GTF2I: variants seen among roughly 807,000 people sequenced by gnomAD.
GTF2I encodes general transcription factor II-I.
A neutral mutation model predicts 67.6 loss-of-function variants in GTF2I; 12 were observed. That is an observed-to-expected ratio of 0.18 (90% confidence interval 0.11 to 0.29). The LOEUF (loss-of-function observed/expected upper bound fraction) is 0.29, where lower values mean the gene tolerates loss of function less well. Ranked by LOEUF, GTF2I falls within the 10% of genes least tolerant of loss-of-function variation. The pLI, the probability that GTF2I is intolerant of heterozygous loss-of-function variation, is 1.00. For synonymous variants in GTF2I, 149 were observed against 197.0 expected (o/e 0.76, Z 2.04); for missense variants, 271 against 580.1 (o/e 0.47, Z 5.47).
Position 74,696,875 on chromosome 7 carries a change from A to G in GTF2I, c.239-2086A>G, listed in dbSNP as rs186693939. On this transcript the variant is annotated intron_variant, in intron 3 of 34. Transcript: ENST00000573035. ...ATAATGGTCTTCTGGAAGGTAATCA[A>G]TAGGTTTATGAGGCAATCATAGAAA... Among the ~76,000 whole-genome samples the G allele has an allele frequency of 1.4e-3, 211 of 152,214 alleles. 1 individual carries two copies. Among genetic ancestry groups the G allele is most frequent in the African/African-American group, 4.9e-3 (202 of 41,536 alleles).
intron 1 of GTF2I, among the ~76,000 whole-genome samples, chr7:74,685,176 A>G (rs1787598843): frequency 6.6e-6 from 1 of 152,226 alleles, no homozygotes. Flanking sequence ...CCAATCAGAG[A>G]CTAAAGTGAA....
intron 3 of GTF2I, among the ~76,000 whole-genome samples, chr7:74,698,207 G>A (rs1233956122): frequency 2.0e-5 from 3 of 151,664 alleles, no homozygotes; most frequent in African/African-American, 4.8e-5. Flanking sequence ...CACCCGCCTC[G>A]GCCTCCCAAA....
At chr7:74,703,745 A>G (rs1453299868) in intron 6 of GTF2I, among the ~76,000 whole-genome samples, 1 of 152,142 alleles carries the variant, frequency 6.6e-6, no homozygotes, top group Non-Finnish European at 1.5e-5. Flanking sequence ...TGAAGATATG[A>G]CTTCTGTGTT....
intron 8 of GTF2I, among the ~76,000 whole-genome samples, chr7:74,708,006 G>A (rs1421021881): frequency 1.3e-5 from 2 of 151,918 alleles, no homozygotes; most frequent in Non-Finnish European, 1.5e-5. Context: ...AAAATTTAAT[G>A]TAAAGATTGT....
chr7:74,691,389 A>G (rs782397309), intron 3 of GTF2I, among the ~76,000 whole-genome samples: 1 of 152,068 alleles, frequency 6.6e-6, no homozygotes, highest in Non-Finnish European at 1.5e-5. Context: ...TATTTTTAGT[A>G]GAGACGGGGT....
chr7:74,698,763 A>G (rs1427840420), intron 3 of GTF2I, among the ~76,000 whole-genome samples, 198 bp from the exon 4 acceptor site: 6 of 152,174 alleles, frequency 3.9e-5, no homozygotes, highest in Non-Finnish European at 8.8e-5. Flanking sequence ...TTGTTACAAA[A>G]TAACAAATCA....
chr7:74,708,881 T>C (rs1335028770), intron 8 of GTF2I, among the ~76,000 whole-genome samples: 1 of 152,202 alleles, frequency 6.6e-6, no homozygotes, highest in Non-Finnish European at 1.5e-5. Context: ...TCTAAAGAGA[T>C]GCAACTTTAC....
chr7:74,701,707 C>T (rs1789789070), intron 6 of GTF2I, among the ~76,000 whole-genome samples: 1 of 152,082 alleles, frequency 6.6e-6, no homozygotes, highest in Non-Finnish European at 1.5e-5. Context: ...TCAAATGATC[C>T]ACCCGCCCCG....
intron 1 of GTF2I, among the ~76,000 whole-genome samples, chr7:74,660,443 C>G (rs958878010): frequency 6.6e-6 from 1 of 152,012 alleles, no homozygotes; most frequent in Non-Finnish European, 1.5e-5. Flanking sequence ...CCGCCTGCCT[C>G]GGTCTCCGAA....
chr7:74,680,100 AT>A lies in GTF2I; in HGVS notation c.-5-9023del, dbSNP rs1407165708. On this transcript the variant is annotated intron_variant, in intron 1 of 34. Coordinates refer to ENST00000573035, the MANE Select transcript of GTF2I (RefSeq NM_032999.4). ...ATCTCAAAAAAAAAAAAAAAAAAAA[AT>A]ATATATATATATATATGTATGTATG... is the stretch of plus-strand genomic sequence containing the variant. Among the ~76,000 whole-genome samples the A allele has an allele frequency of 7.4e-3, 645 of 86,800 alleles. 11 individuals are homozygous for A. The highest frequency in any genetic ancestry group is 0.026 in the African/African-American group (396 of 15,326). 56.9% of individuals were successfully genotyped at this position (86,800 alleles called of 152,430 possible). A position where few individuals can be genotyped will look rare whatever the true frequency, so the allele number is the denominator to read the frequency against.
At chr7:74,696,726 C>G (rs900926420) in intron 3 of GTF2I, among the ~76,000 whole-genome samples, 4 of 152,000 alleles carry the variant, frequency 2.6e-5, no homozygotes, top group African/African-American at 7.2e-5. Context: ...AACTCCTGAC[C>G]TCAGGCGATC....
chr7:74,675,010 A>G (rs1805774032), intron 1 of GTF2I, among the ~76,000 whole-genome samples: 1 of 151,070 alleles, frequency 6.6e-6, no homozygotes, highest in African/African-American at 2.4e-5. Context: ...CTGCCACCAC[A>G]CCCAGCCAAT....
In GTF2I at chr7:74,717,963, T is replaced by C. The variant is rs587723951; in HGVS notation, c.881-916T>C. 4.9e-4 allele frequency among the ~76,000 whole-genome samples: 75 copies of C among 152,332 alleles called. 1 individual carries two copies. The Middle Eastern group carries it at 0.017, about 35-fold the overall frequency. Reference sequence around the variant, plus strand: ...TGTGGGTGAATGTTGTATGCTTTACTGTGTGGAGGTGGGTATCTTCTGAGT... The same window carrying C: ...TGTGGGTGAATGTTGTATGCTTTACCGTGTGGAGGTGGGTATCTTCTGAGT... On this transcript the variant is annotated intron_variant, in intron 11 of 34. Transcript: ENST00000573035.
chr7:74,726,184 G>A (rs1793753283), intron 12 of GTF2I, among the ~76,000 whole-genome samples: 1 of 152,086 alleles, frequency 6.6e-6, no homozygotes, highest in Admixed American at 6.5e-5. Context: ...ACCTATAGGG[G>A]AAATACTTTT....
intron 12 of GTF2I, among the ~76,000 whole-genome samples, chr7:74,721,901 A>G (rs76515673): frequency 1.5e-3 from 228 of 152,078 alleles, no homozygotes; most frequent in African/African-American, 5.2e-3. Flanking sequence ...CTTGAAAAGC[A>G]AAAGTGCATC....
intron 3 of GTF2I, among the ~76,000 whole-genome samples, chr7:74,693,905 G>A (rs1554397737): frequency 6.6e-6 from 1 of 152,126 alleles, no homozygotes; most frequent in Non-Finnish European, 1.5e-5. Context: ...GAGTGTTCAA[G>A]TGAAAGGAAG....
At chr7:74,661,333 T>C (rs2049363736) in intron 1 of GTF2I, among the ~76,000 whole-genome samples, 1 of 152,158 alleles carries the variant, frequency 6.6e-6, no homozygotes, top group Non-Finnish European at 1.5e-5. Flanking sequence ...TTCACAATGG[T>C]GCAAAATGAA....
At chr7:74,687,895 A>G (rs1179595880) in intron 1 of GTF2I, among the ~76,000 whole-genome samples, 4 of 152,158 alleles carry the variant, frequency 2.6e-5, no homozygotes, top group Admixed American at 2.0e-4. Flanking sequence ...TAATTATTCA[A>G]TAGCTCCCTA....
In GTF2I at chr7:74,705,021, G is replaced by A. The variant is rs587643724; in HGVS notation, c.587-143G>A. ...TTCAAGGAGGTTGTGGTTGGGTGAA[G>A]GGATGAAAAGCAGTGTTTATTCTGG... On this transcript the variant is annotated intron_variant, in intron 6 of 34. Transcript: ENST00000573035. 275 of 641,658 alleles carry A rather than the reference G, an allele frequency of 4.3e-4. 2 individuals are homozygous for A. Among genetic ancestry groups the A allele is most frequent in the South Asian group, 2.1e-3 (119 of 55,624 alleles). 39.7% of individuals were successfully genotyped at this position (641,658 alleles called of 1,614,324 possible).
Sources: gnomAD v4.1 joint callset for allele counts (sites outside exome capture counted in the v4.1 genomes callset) on GRCh38, gnomAD v4.1.1 for gene constraint, MANE v1.5 for transcripts, NCBI Gene and HGNC (gene_info 2026-07-23, HGNC 2026-07-21) for gene names.